The following ITPR2 variants were observed in gnomAD, a reference collection of about 807,000 sequenced individuals.
The protein encoded by ITPR2 is inositol 1,4,5-trisphosphate receptor type 2.
Under a neutral mutation model 317.1 loss-of-function variants are expected in ITPR2, and 207 were observed. The observed-to-expected ratio is 0.65, with a 90% CI of 0.58 to 0.73. The LOEUF (loss-of-function observed/expected upper bound fraction) is 0.73. ITPR2 is among the 30% of genes least tolerant of loss of function. ITPR2 has a pLI of 0.00. For synonymous variants in ITPR2, 1,156 were observed against 1,149.1 expected (o/e 1.01, Z -0.12); for missense variants, 2,613 against 3,284.0 (o/e 0.80, Z 4.99).
chr12:26,515,256 T>C (rs745323436), intron 37 of ITPR2, among the ~76,000 whole-genome samples: 3 of 152,196 alleles, frequency 2.0e-5, no homozygotes, highest in Non-Finnish European at 4.4e-5. Context: ...ATTCTAATAC[T>C]AAAGTTTTTC....
chr12:26,735,484 G>C (rs1949105655), intron 2 of ITPR2, among the ~76,000 whole-genome samples: 1 of 152,160 alleles, frequency 6.6e-6, no homozygotes, highest in Non-Finnish European at 1.5e-5. Context: ...AAGGAGAAGA[G>C]AGGAGAGGGA....
chr12:26,390,312 T>A (rs1939794278), intron 54 of ITPR2, among the ~76,000 whole-genome samples: 1 of 152,206 alleles, frequency 6.6e-6, no homozygotes, highest in Non-Finnish European at 1.5e-5. Flanking sequence ...CTTGTACATG[T>A]TCATAGCAGC....
intron 26 of ITPR2, among the ~76,000 whole-genome samples, chr12:26,603,728 C>T (rs1348930585): frequency 6.6e-6 from 1 of 152,160 alleles, no homozygotes; most frequent in African/African-American, 2.4e-5. Flanking sequence ...TCTACTTAGG[C>T]ATAAAGGATG....
intron 10 of ITPR2, among the ~76,000 whole-genome samples, chr12:26,693,006 T>C (rs917746489): frequency 3.9e-5 from 6 of 152,232 alleles, no homozygotes; most frequent in Non-Finnish European, 7.3e-5. Flanking sequence ...TAATTATTGC[T>C]CTGTGGCAAA....
chr12:26,796,001 G>T (rs998451567), intron 1 of ITPR2, among the ~76,000 whole-genome samples: 43 of 116,310 alleles, frequency 3.7e-4, no homozygotes, highest in African/African-American at 1.2e-3. Flanking sequence ...AAAAAAAAAG[G>T]GGGGGGGGGC....
At chr12:26,723,536 G>A (rs560553955) in intron 4 of ITPR2, among the ~76,000 whole-genome samples, 1 of 152,172 alleles carries the variant, frequency 6.6e-6, no homozygotes, top group African/African-American at 2.4e-5. Flanking sequence ...ATTGCCCCAG[G>A]GACATCCAGC....
intron 52 of ITPR2, 85 bp downstream of exon 52, chr12:26,411,235 G>A (rs1940537333): frequency 3.6e-6 from 3 of 839,126 alleles, no homozygotes; most frequent in South Asian, 1.6e-5. Context: ...AATTTGTAGA[G>A]CAATTCCCTA....
chr12:26,506,478 G>T (rs1943187090), intron 37 of ITPR2, among the ~76,000 whole-genome samples: 1 of 140,390 alleles, frequency 7.1e-6, no homozygotes, highest in Non-Finnish European at 1.5e-5. Flanking sequence ...CTGCACTCCA[G>T]CCTGGGAGAC....
intron 55 of ITPR2, among the ~76,000 whole-genome samples, chr12:26,364,603 C>T (rs1281643105): frequency 6.6e-6 from 1 of 152,140 alleles, no homozygotes; most frequent in Non-Finnish European, 1.5e-5. Context: ...GTCAACTATT[C>T]AAATCATAAA....
chr12:26,455,370 A>AAAAAAG (rs1185606605), intron 45 of ITPR2, among the ~76,000 whole-genome samples: 2 of 129,016 alleles, frequency 1.6e-5, no homozygotes, highest in African/African-American at 5.4e-5. Flanking sequence ...AAAAAAAAAA[A>AAAAAAG]GGTCAGCTTT....
rs763693383 is a variant in ITPR2, at chr12:26,642,987, G to A, written c.2741-10928C>T. Among the ~76,000 whole-genome samples, 3 of 152,180 alleles carry A rather than the reference G, an allele frequency of 2.0e-5. No individual in the cohort carries two copies. The East Asian group carries it at 5.8e-4, about 29-fold the overall frequency. On this transcript the variant is annotated intron_variant, in intron 21 of 56. Transcript: ENST00000381340. ...ATGCATTGAGATACTCTCTCCCAAG[G>A]TGATGGTGTTAGAAGTAGAACCTTT...
chr12:26,600,154 C>T (rs774598998), intron 28 of ITPR2, 45 bp from the exon 29 acceptor site: 33 of 1,541,250 alleles, frequency 2.1e-5, no homozygotes, highest in Non-Finnish European at 2.7e-5. Flanking sequence ...ACATAGGAGA[C>T]AGCAAATGTT....
In ITPR2 at chr12:26,745,459, C is replaced by A. The variant is rs1949304462; in HGVS notation, c.164-19694G>T. Among the ~76,000 whole-genome samples the A allele has an allele frequency of 2.0e-5, 3 of 152,176 alleles. No homozygotes were observed. In the South Asian group the frequency reaches 6.2e-4, roughly 32 times the overall value. On this transcript the variant is annotated intron_variant, in intron 2 of 56. Coordinates refer to ENST00000381340, the MANE Select transcript of ITPR2 (RefSeq NM_002223.4). ...ATTACAGGATTATTTTTCTATAGCC[C>A]AAACTGCAAAGTTGAACTATCTGCT...
chr12:26,654,132 T>TAAAAAAAA lies in ITPR2; in HGVS notation c.2590-14_2590-7dup. 1.2e-6 allele frequency: 1 copy of TAAAAAAAA among 840,964 alleles called. No individual in the cohort carries two copies. The highest frequency in any genetic ancestry group is 1.6e-6 in the Non-Finnish European group (1 of 638,414). The allele number at this position is 840,964 out of a possible 1,614,324, so 52.1% of individuals were successfully genotyped here. A position where few individuals can be genotyped will look rare whatever the true frequency, so the allele number is the denominator to read the frequency against. On this transcript the variant is annotated splice_region_variant and splice_polypyrimidine_tract_variant and intron_variant, in intron 20 of 56. Transcript: ENST00000381340. ...TTCCGAGCCAAGTGGACCACCTTAA[T>TAAAAAAAA]AAAAAAAAAAAAGCGGGGAGGGGGA...
chr12:26,802,966 T>A (rs1212814291), intron 1 of ITPR2, among the ~76,000 whole-genome samples: 1 of 152,162 alleles, frequency 6.6e-6, no homozygotes, highest in Non-Finnish European at 1.5e-5. Context: ...ATAGAAAATA[T>A]ATTCTTTTTG....
intron 54 of ITPR2, among the ~76,000 whole-genome samples, chr12:26,390,347 A>C (rs1460436731): frequency 3.3e-5 from 5 of 152,252 alleles, no homozygotes; most frequent in Admixed American, 6.5e-5. Flanking sequence ...CTAAAAGTGG[A>C]AACAACCCCA....
intron 2 of ITPR2, among the ~76,000 whole-genome samples, chr12:26,769,919 T>C (rs74072355): frequency 0.026 from 3,916 of 152,278 alleles, 63 homozygotes; most frequent in African/African-American, 0.054. Flanking sequence ...AAATACATTA[T>C]CAAAAGAATG....
intron 45 of ITPR2, 53 bp from the exon 46 acceptor site, chr12:26,443,703 G>A (rs1011009124): frequency 1.4e-6 from 2 of 1,394,132 alleles, no homozygotes; most frequent in African/African-American, 1.4e-5. Context: ...CTTTCCTAGG[G>A]TCAAACTTTG....
chr12:26,729,725 T>C (rs962232973), intron 2 of ITPR2, among the ~76,000 whole-genome samples: 7 of 151,920 alleles, frequency 4.6e-5, no homozygotes, highest in Non-Finnish European at 1.5e-5. Context: ...AAGTTATATT[T>C]AGCTCCCACT....
Sources: gnomAD v4.1 joint callset for allele counts (sites outside exome capture counted in the v4.1 genomes callset) on GRCh38, gnomAD v4.1.1 for gene constraint, MANE v1.5 for transcripts, NCBI Gene and HGNC (gene_info 2026-07-23, HGNC 2026-07-21) for gene names.